PATJ: variants seen among roughly 807,000 people sequenced by gnomAD.
PATJ encodes inaD-like protein.
A neutral mutation model predicts 224.9 loss-of-function variants in PATJ; 190 were observed. The observed-to-expected ratio is 0.84, with a 90% CI of 0.75 to 0.95. The LOEUF (loss-of-function observed/expected upper bound fraction) is 0.95. Among genes scored for constraint, PATJ ranks in the 40% least tolerant of loss-of-function variants. The pLI, the probability that PATJ is intolerant of heterozygous loss-of-function variation, is 0.00. For missense variants in PATJ, 2,121 were observed against 2,270.3 expected (o/e 0.93, Z 1.34); for synonymous variants, 769 against 820.3 (o/e 0.94, Z 1.07).
chr1:61,824,670 C>T (rs1289663733), intron 15 of PATJ, among the ~76,000 whole-genome samples: 1 of 152,116 alleles, frequency 6.6e-6, no homozygotes, highest in Non-Finnish European at 1.5e-5. Context: ...AGCAATTCTT[C>T]TACCTCGGCC....
intron 22 of PATJ, among the ~76,000 whole-genome samples, chr1:61,889,900 G>C (rs1669358277): frequency 6.6e-6 from 1 of 152,188 alleles, no homozygotes; most frequent in Non-Finnish European, 1.5e-5. Flanking sequence ...GGGGACTACT[G>C]TATCCTTCTT....
At chr1:61,797,491 T>C (rs1651591987) in intron 11 of PATJ, 63 bp downstream of exon 11, 3 of 1,412,338 alleles carry the variant, frequency 2.1e-6, no homozygotes, top group Non-Finnish European at 2.0e-6. Context: ...AGTTCAATTA[T>C]GGAAGTTGCT....
intron 27 of PATJ, among the ~76,000 whole-genome samples, chr1:61,967,291 C>G (rs1167194124): frequency 6.6e-6 from 1 of 152,122 alleles, no homozygotes; most frequent in African/African-American, 2.4e-5. Flanking sequence ...CTAAGAACTG[C>G]CTTTTTATTC....
In PATJ at chr1:62,142,698, A is replaced by T. The variant is rs191533531; in HGVS notation, c.5272-5586A>T. Among the ~76,000 whole-genome samples, 306 of 152,282 alleles carry T rather than the reference A, an allele frequency of 2.0e-3. 3 individuals carry two copies. Among genetic ancestry groups the T allele is most frequent in the African/African-American group, 7.0e-3 (291 of 41,564 alleles). On this transcript the variant is annotated intron_variant, in intron 41 of 43. Coordinates refer to ENST00000642238, the MANE Select transcript of PATJ (RefSeq NM_001350145.3). ...ATGGAGAGGAAAACAGGAGAAATTA[A>T]ACACGGATGGTCAAAGCAGGCTTGT...
At chr1:62,044,375 C>T (rs936465041) in intron 30 of PATJ, among the ~76,000 whole-genome samples, 14 of 152,126 alleles carry the variant, frequency 9.2e-5, no homozygotes, top group African/African-American at 2.9e-4. Context: ...TCTTTGGTTT[C>T]GGAGCTGTTG....
intron 7 of PATJ, among the ~76,000 whole-genome samples, chr1:61,783,481 T>G (rs1029715347): frequency 1.3e-5 from 2 of 149,044 alleles, no homozygotes; most frequent in African/African-American, 2.5e-5. Flanking sequence ...TTGGCTAGAG[T>G]GCAGTGGTGC....
chr1:61,782,227 C>T (rs1020869022), intron 7 of PATJ, among the ~76,000 whole-genome samples: 1 of 152,030 alleles, frequency 6.6e-6, no homozygotes, highest in African/African-American at 2.4e-5. Flanking sequence ...GCCATTAATG[C>T]TTTTTTTTAT....
At chr1:61,911,695 T>TTATATATA (rs141530445) in intron 25 of PATJ, among the ~76,000 whole-genome samples, 4,555 of 140,468 alleles carry the variant, frequency 0.032, 262 homozygotes, top group African/African-American at 0.11. Flanking sequence ...CTATATATTT[T>TTATATATA]TATATATATA....
chr1:62,108,545 A>T (rs1663399835), intron 34 of PATJ, 25 bp downstream of exon 34: 2 of 1,421,358 alleles, frequency 1.4e-6, no homozygotes, highest in South Asian at 2.4e-5. Context: ...ATTTTATTTT[A>T]TATCAGTAAA....
intron 39 of PATJ, among the ~76,000 whole-genome samples, chr1:62,123,910 C>A (rs954427485): frequency 6.6e-6 from 1 of 151,864 alleles, no homozygotes; most frequent in African/African-American, 2.4e-5. Context: ...AGGATTAATT[C>A]CTAGAAATGA....
chr1:61,828,494 A>G (rs768843500), intron 16 of PATJ, among the ~76,000 whole-genome samples: 1 of 151,646 alleles, frequency 6.6e-6, no homozygotes, highest in Admixed American at 6.6e-5. Flanking sequence ...GGCTCAAGCA[A>G]TCCTCCCGCC....
intron 27 of PATJ, among the ~76,000 whole-genome samples, chr1:61,976,844 ATTTTC>A (rs1351411007): frequency 3.3e-5 from 5 of 151,722 alleles, no homozygotes; most frequent in Non-Finnish European, 7.4e-5. Context: ...TATTCCTTAT[ATTTTC>A]TTTTATTTTT....
intron 34 of PATJ, among the ~76,000 whole-genome samples, chr1:62,112,257 G>A (rs868631982): frequency 6.6e-6 from 1 of 152,052 alleles, no homozygotes; most frequent in African/African-American, 2.4e-5. Context: ...TGTAATCCCA[G>A]CACTTTGGGA....
At chr1:61,805,668 A>G (rs1015732625) in intron 13 of PATJ, 144 bp downstream of exon 13, 7 of 591,898 alleles carry the variant, frequency 1.2e-5, no homozygotes, top group East Asian at 1.1e-4. Flanking sequence ...TAGTGGATCA[A>G]TCGATTTTTT....
intron 41 of PATJ, among the ~76,000 whole-genome samples, chr1:62,141,685 A>C (rs558773589): frequency 0.035 from 5,243 of 150,904 alleles, 164 homozygotes; most frequent in South Asian, 0.13. Flanking sequence ...AAAAAAAAAA[A>C]AAATACGGTG....
At chr1:62,123,774 GCCAA>G (rs1429281812) in intron 39 of PATJ, among the ~76,000 whole-genome samples, 1 of 122,358 alleles carries the variant, frequency 8.2e-6, no homozygotes, top group Non-Finnish European at 1.6e-5. Flanking sequence ...ACCGTGCCCG[GCCAA>G]ATGTGCTATA....
intron 7 of PATJ, among the ~76,000 whole-genome samples, chr1:61,781,606 A>G (rs919363084): frequency 2.6e-5 from 4 of 152,198 alleles, no homozygotes; most frequent in African/African-American, 9.7e-5. Context: ...GAAAGAGCAT[A>G]GGATTATAGT....
At chr1:61,807,560 AGAG>A (rs1653844385) in intron 13 of PATJ, among the ~76,000 whole-genome samples, 2 of 152,234 alleles carry the variant, frequency 1.3e-5, no homozygotes. Context: ...CAAATTATAA[AGAG>A]GAGACAGAAT....
chr1:61,990,298 G>A lies in PATJ; in HGVS notation c.3801G>A (p.Val1267=), dbSNP rs768759032. ...GATCACGCATGAGCATATTTGTGGT[G>A]GGAATTAACCCGGAAGGACCTGCTG... ...KDRSRMSIFV[V]GINPEGPAAA... Residue 1267 remains valine (V), a synonymous_variant, in exon 28 of 44, where the codon GTG becomes GTA. Transcript: ENST00000642238. The A allele has an allele frequency of 5.0e-6, 8 of 1,613,866 alleles. No homozygotes were observed. The highest frequency in any genetic ancestry group is 1.3e-5 in the African/African-American group (1 of 74,918).
Sources: gnomAD v4.1 joint callset for allele counts (sites outside exome capture counted in the v4.1 genomes callset) on GRCh38, gnomAD v4.1.1 for gene constraint, MANE v1.5 for transcripts, NCBI Gene and HGNC (gene_info 2026-07-23, HGNC 2026-07-21) for gene names.